Variants in ARID1B observed in about 807,000 individuals in gnomAD.
ARID1B encodes AT-rich interaction domain 1B.
In ARID1B, 30 loss-of-function variants were observed where a neutral mutation model predicts 212.3. The ratio of observed to expected loss-of-function variants is 0.14; its 90% CI spans 0.11 to 0.19. ARID1B has a LOEUF of 0.19. ARID1B is among the 10% of genes least tolerant of loss of function. The pLI is 1.00. For synonymous variants in ARID1B, 1,402 were observed against 1,301.7 expected, an observed-to-expected ratio of 1.08 and a Z score of -1.66; for missense variants, 2,891 against 3,204.0, an observed-to-expected ratio of 0.90 and a Z score of 2.36.
chr6:157,099,054 C>T (rs537970011), intron 5 of ARID1B, among the ~76,000 whole-genome samples: 88 of 152,174 alleles, frequency 5.8e-4, no homozygotes, highest in Admixed American at 1.8e-3. Context: ...GCTTCCGCCT[C>T]TCAGGTTTAA....
At chr6:157,083,733 T>C (rs1784778174) in intron 4 of ARID1B, among the ~76,000 whole-genome samples, 1 of 152,224 alleles carries the variant, frequency 6.6e-6, no homozygotes, top group Non-Finnish European at 1.5e-5. Context: ...AAAAGTAAGA[T>C]ATAACATTAG....
intron 11 of ARID1B, 88 bp downstream of exon 11, chr6:157,175,093 C>A: frequency 9.1e-7 from 1 of 1,096,042 alleles, no homozygotes; most frequent in African/African-American, 1.6e-5. Flanking sequence ...TGAATGCTTG[C>A]TTGTTTATTT....
chr6:157,207,988 A>G lies in ARID1B; in HGVS notation c.*97A>G. ...GTTTATCCAGCGTAGGAAGAAGGAA[A>G]AGAAAATCTTTGCTCCTCTGCCCCA... On this transcript the variant is annotated 3_prime_UTR_variant, in exon 20 of 20. Transcript: ENST00000636930. The surrounding 1 kb of genome is among the most constrained non-coding windows in gnomAD (Gnocchi z 8.5). The G allele has an allele frequency of 7.6e-7, 1 of 1,314,182 alleles. No homozygotes were observed. The highest frequency in any genetic ancestry group is 9.9e-7 in the Non-Finnish European group (1 of 1,012,488). 81.4% of individuals were successfully genotyped at this position (1,314,182 alleles called of 1,614,324 possible).
At chr6:157,161,429 G>GTGTGTGTGTGTGTGTGTGTATATATATA (rs1790925997) in intron 8 of ARID1B, among the ~76,000 whole-genome samples, 1 of 134,030 alleles carries the variant, frequency 7.5e-6, no homozygotes, top group African/African-American at 3.0e-5. Flanking sequence ...GATTGTGTGT[G>GTGTGTGTGTGTGTGTGTGTATATATATA]TGTATATATA....
At chr6:157,111,503 C>T (rs918037589) in intron 6 of ARID1B, among the ~76,000 whole-genome samples, 1 of 152,228 alleles carries the variant, frequency 6.6e-6, no homozygotes, top group Non-Finnish European at 1.5e-5. Flanking sequence ...CTCTCTCACA[C>T]AGGCCCAGAG....
Position 156,935,596 on chromosome 6 carries a change from A to G in ARID1B, c.2247+20A>G. The stretch of plus-strand genomic sequence containing the variant: ...TTACCAGTAAGACATTATTGTGCTG[A>G]TTTGGAAATGTAATGAGTTAAAGAC... On this transcript the variant is annotated intron_variant, in intron 4 of 19. Transcript: ENST00000636930. The G allele has an allele frequency of 6.3e-7, 1 of 1,575,932 alleles. No individual in the cohort carries two copies. Among genetic ancestry groups the G allele is most frequent in the Non-Finnish European group, 8.7e-7 (1 of 1,146,300 alleles).
chr6:156,875,884 C>T (rs1239431300), intron 2 of ARID1B, among the ~76,000 whole-genome samples: 1 of 152,176 alleles, frequency 6.6e-6, no homozygotes, highest in Non-Finnish European at 1.5e-5. Flanking sequence ...CTGTGTTGTA[C>T]ATTTCTTTGA....
chr6:157,095,925 T>C (rs567011961), intron 5 of ARID1B, among the ~76,000 whole-genome samples: 2 of 152,358 alleles, frequency 1.3e-5, no homozygotes, highest in East Asian at 3.9e-4. Context: ...GTTTTTCATG[T>C]GGCCTCAGTG....
intron 1 of ARID1B, among the ~76,000 whole-genome samples, chr6:156,805,314 C>T (rs541413132): frequency 4.9e-4 from 74 of 152,234 alleles, no homozygotes; most frequent in South Asian, 4.2e-4. Flanking sequence ...AGGATAGGCC[C>T]GAGAGTAAAG....
chr6:157,087,367 G>A (rs750166132), intron 5 of ARID1B, among the ~76,000 whole-genome samples: 1 of 152,114 alleles, frequency 6.6e-6, no homozygotes, highest in Non-Finnish European at 1.5e-5. Flanking sequence ...GAACTTGATG[G>A]ACTTTCATAA....
chr6:157,019,823 A>G (rs536033043), intron 4 of ARID1B, among the ~76,000 whole-genome samples: 1 of 152,288 alleles, frequency 6.6e-6, no homozygotes, highest in African/African-American at 2.4e-5. Flanking sequence ...CTCCGCGGAT[A>G]TACCACAAGC....
At chr6:156,920,246 C>G (rs919129600) in intron 3 of ARID1B, among the ~76,000 whole-genome samples, 2 of 152,222 alleles carry the variant, frequency 1.3e-5, no homozygotes, top group Admixed American at 6.5e-5. Context: ...GCTCCTGCCC[C>G]CATTGGTATT....
intron 4 of ARID1B, among the ~76,000 whole-genome samples, chr6:157,039,707 TTTCTTTCC>T (rs1781674433): frequency 8.2e-6 from 1 of 121,626 alleles, no homozygotes; most frequent in African/African-American, 3.2e-5. Context: ...CTTTCTTTCC[TTTCTTTCC>T]TTCCTTTCTT....
chr6:156,922,078 T>C (rs1790852307), intron 3 of ARID1B, among the ~76,000 whole-genome samples: 1 of 152,146 alleles, frequency 6.6e-6, no homozygotes, highest in Non-Finnish European at 1.5e-5. Flanking sequence ...GAGCTCTGTC[T>C]CAGCAGGTCA....
At chr6:156,886,740 A>G (rs1227870529) in intron 2 of ARID1B, among the ~76,000 whole-genome samples, 4 of 152,220 alleles carry the variant, frequency 2.6e-5, no homozygotes, top group African/African-American at 4.8e-5. Flanking sequence ...AGTGTATGAT[A>G]AAGTAGTTCT....
rs2128325563 is a variant in ARID1B at position 157,184,361 on chromosome 6, G to A, written c.3845G>A (p.Gly1282Glu). The change falls in exon 13 of 20, where the codon GGG becomes GAG. Residue 1282 changes from glycine (G) to glutamate (E), a missense_variant. This residue lies in a region of ARID1B where 666 missense variants were observed against 873.5 expected (regional missense o/e 0.76). Coordinates refer to ENST00000636930, the MANE Select transcript of ARID1B (RefSeq NM_001374828.1). ...LFAFECKIER[G>E]EEPPPEVFST... ...GCCTTTGAGTGCAAGATCGAACGTG[G>A]GGAGGAGCCCCCGCCGGAAGTCTTC... is the stretch of plus-strand genomic sequence containing the variant. 1 of 1,614,168 alleles carries A rather than the reference G, an allele frequency of 6.2e-7. No homozygotes were observed. Among genetic ancestry groups the A allele is most frequent in the Non-Finnish European group, 8.5e-7 (1 of 1,180,036 alleles).
intron 13 of ARID1B, chr6:157,186,387 G>T (rs1044370737): frequency 8.5e-6 from 4 of 469,898 alleles, no homozygotes; most frequent in Admixed American, 2.4e-5. Flanking sequence ...CTGTGACACA[G>T]GAGGCAGTGG....
At chr6:156,781,645 G>A (rs1379718161) in intron 1 of ARID1B, among the ~76,000 whole-genome samples, 1 of 151,946 alleles carries the variant, frequency 6.6e-6, no homozygotes, top group African/African-American at 2.4e-5. Context: ...TTGGAGTTTT[G>A]CTTTTAAGGA....
intron 4 of ARID1B, chr6:157,030,524 G>A (rs1398776928): frequency 6.6e-6 from 1 of 152,204 alleles, no homozygotes; most frequent in Non-Finnish European, 1.5e-5. Flanking sequence ...GTTCAAGATT[G>A]GTTCATACCA....
Sources: gnomAD v4.1 joint callset for allele counts (sites outside exome capture counted in the v4.1 genomes callset) on GRCh38, gnomAD v4.1.1 for gene constraint, gnomAD v4.1.1 regional missense constraint, Gnocchi (gnomAD v3.1) non-coding constraint, MANE v1.5 for transcripts, NCBI Gene and HGNC (gene_info 2026-07-23, HGNC 2026-07-21) for gene names.